The following ASTN2 variants were observed in gnomAD, a reference collection of about 807,000 sequenced individuals.
ASTN2 encodes astrotactin 2, also known as astrotactin-2.
ASTN2 carries 54 observed loss-of-function variants against 139.8 expected under a neutral mutation model. That is an observed-to-expected ratio of 0.39 (90% CI 0.31 to 0.48). The LOEUF (loss-of-function observed/expected upper bound fraction) is 0.48. Ranked by LOEUF, ASTN2 falls within the 20% of genes least tolerant of loss-of-function variation. The probability of loss-of-function intolerance (pLI) is 0.95; values close to 1 mark genes in which losing one functional copy is unlikely to be tolerated. For missense variants in ASTN2, 1,565 were observed against 1,725.1 expected, an observed-to-expected ratio of 0.91 and a Z score of 1.64; for synonymous variants, 756 against 719.5, an observed-to-expected ratio of 1.05 and a Z score of -0.81.
At chr9:116,705,890 A>AAGTT (rs1827977456) in intron 16 of ASTN2, among the ~76,000 whole-genome samples, 1 of 152,148 alleles carries the variant, frequency 6.6e-6, no homozygotes, top group South Asian at 2.1e-4. Flanking sequence ...GAAGAGTGAG[A>AAGTT]AGTTGGTGCC....
At chr9:117,134,782 C>A (rs755830478) in intron 4 of ASTN2, among the ~76,000 whole-genome samples, 2 of 152,062 alleles carry the variant, frequency 1.3e-5, no homozygotes, top group Non-Finnish European at 2.9e-5. Context: ...TACGTAATGC[C>A]CTGCTTCCTT....
At chr9:116,890,057 C>A (rs1369138002) in intron 10 of ASTN2, among the ~76,000 whole-genome samples, 2 of 152,202 alleles carry the variant, frequency 1.3e-5, no homozygotes, top group Non-Finnish European at 2.9e-5. Flanking sequence ...CCAGCAAGTG[C>A]TGAGTTTATT....
At chr9:116,982,597 G>T (rs1340116866) in intron 7 of ASTN2, among the ~76,000 whole-genome samples, 1 of 151,802 alleles carries the variant, frequency 6.6e-6, no homozygotes, top group Non-Finnish European at 1.5e-5. Flanking sequence ...ACAGGGTGTT[G>T]CTCTGTTGCC....
At chr9:117,011,481 T>C (rs1458780632) in intron 6 of ASTN2, among the ~76,000 whole-genome samples, 2 of 152,248 alleles carry the variant, frequency 1.3e-5, no homozygotes, top group Non-Finnish European at 2.9e-5. Context: ...AGCACCTTGA[T>C]CTTGGAATCT....
intron 16 of ASTN2, among the ~76,000 whole-genome samples, chr9:116,677,231 A>G (rs959295495): frequency 2.0e-5 from 3 of 152,134 alleles, no homozygotes; most frequent in Non-Finnish European, 4.4e-5. Context: ...CTCTTAATGC[A>G]TACATGAGAG....
At chr9:117,178,352 G>A (rs550431387) in intron 3 of ASTN2, among the ~76,000 whole-genome samples, 20 of 152,304 alleles carry the variant, frequency 1.3e-4, no homozygotes, top group Admixed American at 3.3e-4. Flanking sequence ...GAGTGTCAGT[G>A]AACAGAAGGA....
At chr9:117,305,018 C>T (rs1834964856) in intron 1 of ASTN2, among the ~76,000 whole-genome samples, 2 of 152,208 alleles carry the variant, frequency 1.3e-5, no homozygotes, top group Non-Finnish European at 1.5e-5. Flanking sequence ...AGCCCCTCTC[C>T]GATGGGGTCA....
chr9:116,835,310 A>T (rs1238647919), intron 11 of ASTN2, among the ~76,000 whole-genome samples: 1 of 151,882 alleles, frequency 6.6e-6, no homozygotes, highest in Non-Finnish European at 1.5e-5. Flanking sequence ...ATAACATGAG[A>T]CAAGGAAGAA....
chr9:117,095,694 T>C (rs560620384), intron 5 of ASTN2, among the ~76,000 whole-genome samples: 121 of 152,360 alleles, frequency 7.9e-4, no homozygotes, highest in African/African-American at 2.7e-3. Context: ...GGGATTATTC[T>C]GCATCAACCC....
At chr9:116,876,164 G>A (rs958303849) in intron 10 of ASTN2, among the ~76,000 whole-genome samples, 5 of 152,180 alleles carry the variant, frequency 3.3e-5, no homozygotes, top group Non-Finnish European at 5.9e-5. Flanking sequence ...ATTAGCACGA[G>A]TTTGGAAGAA....
At chr9:116,434,623 T>C (rs1847592636) in intron 22 of ASTN2, among the ~76,000 whole-genome samples, 1 of 152,200 alleles carries the variant, frequency 6.6e-6, no homozygotes, top group Non-Finnish European at 1.5e-5. Flanking sequence ...GCTTGCTGTG[T>C]CCTCTCTACC....
chr9:117,064,970 G>C (rs1191725034), intron 5 of ASTN2, among the ~76,000 whole-genome samples: 2 of 152,008 alleles, frequency 1.3e-5, no homozygotes, highest in Admixed American at 6.6e-5. Flanking sequence ...ATGGAAAAAA[G>C]GGTCTTTGCA....
At position 116,803,522 on chromosome 9, in the gene ASTN2, A is replaced by ATTTTTTT. The variant is rs1158429877; in HGVS notation, c.2396+2103_2396+2109dup. Among the ~76,000 whole-genome samples, 56 of 21,132 alleles carry ATTTTTTT rather than the reference A, an allele frequency of 2.7e-3. 4 individuals are homozygous for ATTTTTTT. Among genetic ancestry groups the ATTTTTTT allele is most frequent in the South Asian group, 3.5e-3 (2 of 564 alleles). The allele number at this position is 21,132 out of a possible 152,430, so 13.9% of individuals were successfully genotyped here. A position where few individuals can be genotyped will look rare whatever the true frequency, so the allele number is the denominator to read the frequency against. The stretch of plus-strand genomic sequence containing the variant: ...TATATATATATATATATATATATAT[A>ATTTTTTT]TTTTTTTTTTTTTTTTTTTTTAGAC... On this transcript the variant is annotated intron_variant, in intron 13 of 22. Coordinates refer to ENST00000313400, the MANE Select transcript of ASTN2 (RefSeq NM_001365068.1).
chr9:117,189,485 C>T (rs1831292474), intron 3 of ASTN2, among the ~76,000 whole-genome samples: 1 of 152,190 alleles, frequency 6.6e-6, no homozygotes, highest in South Asian at 2.1e-4. Context: ...TGTGTAACTT[C>T]AGATACCTCT....
chr9:116,577,569 G>GTTA (rs1403825536), intron 19 of ASTN2, among the ~76,000 whole-genome samples: 1 of 152,072 alleles, frequency 6.6e-6, no homozygotes, highest in Non-Finnish European at 1.5e-5. Flanking sequence ...AAGAATGTAT[G>GTTA]TTATGATCCA....
At chr9:117,100,742 A>G (rs1828957636) in intron 4 of ASTN2, among the ~76,000 whole-genome samples, 1 of 152,242 alleles carries the variant, frequency 6.6e-6, no homozygotes, top group Admixed American at 6.5e-5. Flanking sequence ...CTTAAAAAAC[A>G]ATTTGGATTT....
chr9:117,338,177 C>T (rs1828947533), intron 1 of ASTN2, among the ~76,000 whole-genome samples: 2 of 152,148 alleles, frequency 1.3e-5, no homozygotes, highest in Non-Finnish European at 1.5e-5. Flanking sequence ...ATCTACTAGT[C>T]TTCTATGCAG....
At chr9:116,695,990 A>G (rs888158909) in intron 16 of ASTN2, among the ~76,000 whole-genome samples, 8 of 152,194 alleles carry the variant, frequency 5.3e-5, no homozygotes, top group African/African-American at 1.4e-4. Context: ...CTTACTGACT[A>G]TACTTCTGGA....
At chr9:116,431,096 G>A (rs1392427792) in intron 22 of ASTN2, among the ~76,000 whole-genome samples, 1 of 152,126 alleles carries the variant, frequency 6.6e-6, no homozygotes, top group Non-Finnish European at 1.5e-5. Context: ...GACAGGAATC[G>A]CTTGTGAAAG....
Sources: gnomAD v4.1 joint callset for allele counts (sites outside exome capture counted in the v4.1 genomes callset) on GRCh38, gnomAD v4.1.1 for gene constraint, MANE v1.5 for transcripts, NCBI Gene and HGNC (gene_info 2026-07-23, HGNC 2026-07-21) for gene names.